The following PDE10A variants were observed in gnomAD, a reference collection of about 807,000 sequenced individuals.
PDE10A encodes the protein cAMP and cAMP-inhibited cGMP 3',5'-cyclic phosphodiesterase 10A.
A neutral mutation model predicts 97.7 loss-of-function variants in PDE10A; 39 were observed. The ratio of observed to expected loss-of-function variants is 0.40; its 90% confidence interval spans 0.31 to 0.52. PDE10A has a LOEUF of 0.52. Ranked by LOEUF, PDE10A falls within the 20% of genes least tolerant of loss-of-function variation. The pLI, the probability that PDE10A is intolerant of heterozygous loss-of-function variation, is 0.56. For missense variants in PDE10A, 731 were observed against 1,047.8 expected (o/e 0.70, Z 4.17); for synonymous variants, 371 against 376.8 (o/e 0.98, Z 0.18).
rs1428405200 is a variant in PDE10A at position 165,819,004 on chromosome 6, G to A, written c.-615+168525C>T. On this transcript the variant is annotated intron_variant, in intron 1 of 19. Transcript: ENST00000366882. The surrounding 1 kb of genome is among the most constrained non-coding windows in gnomAD (Gnocchi z 4.2). ...ATATAAAATGTAAGGGGTTGAACACGAAGCTTGAAGTGTGGCTAAAAATAT... is the reference window on the plus strand; with the variant it reads ...ATATAAAATGTAAGGGGTTGAACACAAAGCTTGAAGTGTGGCTAAAAATAT... Among the ~76,000 whole-genome samples the A allele has an allele frequency of 2.6e-5, 4 of 152,196 alleles. No individual in the cohort carries two copies. Among genetic ancestry groups the A allele is most frequent in the Non-Finnish European group, 4.4e-5 (3 of 68,028 alleles).
At chr6:165,716,225 A>G (rs1018824730) in intron 1 of PDE10A, among the ~76,000 whole-genome samples, 31 of 152,168 alleles carry the variant, frequency 2.0e-4, no homozygotes, top group Non-Finnish European at 1.9e-4. Flanking sequence ...AAAATTCACA[A>G]ATTATTGACT....
chr6:165,549,618 G>A lies in PDE10A; in HGVS notation c.866-6050C>T, dbSNP rs138613803. On this transcript the variant is annotated intron_variant, in intron 1 of 21. Coordinates refer to ENST00000539869, the MANE Select transcript of PDE10A (RefSeq NM_001385079.1). ...GGATCACAGACGTGAGCCACCATGC[G>A]CGGCTGCATTATTATGTTTTAAAGT... Among the ~76,000 whole-genome samples, 33 of 152,206 alleles carry A rather than the reference G, an allele frequency of 2.2e-4. No individual in the cohort carries two copies. In the East Asian group the frequency reaches 5.0e-3, roughly 23 times the overall value.
chr6:165,342,370 G>C (rs1340983251), intron 19 of PDE10A, among the ~76,000 whole-genome samples: 1 of 152,158 alleles, frequency 6.6e-6, no homozygotes, highest in Non-Finnish European at 1.5e-5. Flanking sequence ...ACTAGGTTCT[G>C]ACACATACAC....
At chr6:165,597,571 G>T (rs1247989037) in intron 1 of PDE10A, among the ~76,000 whole-genome samples, 1 of 152,178 alleles carries the variant, frequency 6.6e-6, no homozygotes, top group Non-Finnish European at 1.5e-5. Context: ...CCAATAAATA[G>T]AAGGAAACAC....
intron 1 of PDE10A, among the ~76,000 whole-genome samples, chr6:165,808,623 G>T (rs752564907): frequency 6.6e-6 from 1 of 152,184 alleles, no homozygotes; most frequent in Non-Finnish European, 1.5e-5. Context: ...GGAATTAGCC[G>T]TGTCACATCT....
rs1457833945 is a variant in PDE10A at position 165,330,852 on chromosome 6, C to T, written c.*2173G>A. On this transcript the variant is annotated 3_prime_UTR_variant, in exon 22 of 22. Transcript: ENST00000539869. The stretch of plus-strand genomic sequence containing the variant: ...TCCATCTCCAAGCGAAATGAGATAA[C>T]TAAACTAACTTTTGTGACTAAAGCT... 1 of 152,128 alleles carries T rather than the reference C, an allele frequency of 6.6e-6. No homozygotes were observed. Among genetic ancestry groups the T allele is most frequent in the Non-Finnish European group, 1.5e-5 (1 of 68,006 alleles). The allele number at this position is 152,128 out of a possible 1,614,324, so 9.4% of individuals were successfully genotyped here.
intron 1 of PDE10A, among the ~76,000 whole-genome samples, chr6:165,593,729 G>A (rs1439131297): frequency 1.3e-5 from 2 of 152,058 alleles, no homozygotes; most frequent in Non-Finnish European, 2.9e-5. Context: ...TTTAAATGAT[G>A]ATGTTCTAAA....
At chr6:165,738,360 G>A (rs1792633986) in intron 1 of PDE10A, among the ~76,000 whole-genome samples, 1 of 151,378 alleles carries the variant, frequency 6.6e-6, no homozygotes, top group Non-Finnish European at 1.5e-5. Context: ...TTTTATGGCT[G>A]CATAGTATTC....
intron 11 of PDE10A, among the ~76,000 whole-genome samples, chr6:165,416,740 A>G (rs1788343831): frequency 6.6e-6 from 1 of 152,108 alleles, no homozygotes; most frequent in Admixed American, 6.5e-5. Context: ...TCTACCACAC[A>G]TATAACCAAA....
At chr6:165,520,825 C>A (rs1357042417) in intron 2 of PDE10A, among the ~76,000 whole-genome samples, 3 of 152,090 alleles carry the variant, frequency 2.0e-5, no homozygotes, top group African/African-American at 7.2e-5. Context: ...GTGGACTGGA[C>A]AATTACATCC....
At chr6:165,612,829 A>G (rs1787561090) in intron 1 of PDE10A, among the ~76,000 whole-genome samples, 1 of 152,240 alleles carries the variant, frequency 6.6e-6, no homozygotes, top group Admixed American at 6.5e-5. Flanking sequence ...TTCTTGAGTA[A>G]CTATAAACCT....
intron 1 of PDE10A, among the ~76,000 whole-genome samples, chr6:165,887,041 T>C (rs570413185): frequency 5.9e-5 from 9 of 152,296 alleles, no homozygotes; most frequent in African/African-American, 2.2e-4. Context: ...AGCAAGATAC[T>C]GAAATCATTT....
At chr6:165,665,564 C>T (rs938384515), upstream of PDE10A, among the ~76,000 whole-genome samples, 23 of 152,156 alleles carry the variant, frequency 1.5e-4, no homozygotes, top group Non-Finnish European at 3.1e-4. Context: ...TATAGCTCAA[C>T]TTAAGCATAC....
intron 1 of PDE10A, among the ~76,000 whole-genome samples, chr6:165,831,736 C>T (rs1203758610): frequency 6.6e-6 from 1 of 152,080 alleles, no homozygotes; most frequent in Non-Finnish European, 1.5e-5. Flanking sequence ...CCACCCACCT[C>T]GGCCTCCCAA....
intron 12 of PDE10A, 80 bp downstream of exon 12, chr6:165,416,109 C>T: frequency 1.1e-6 from 1 of 904,388 alleles, no homozygotes; most frequent in Non-Finnish European, 1.8e-6. Flanking sequence ...GTGGAGAACT[C>T]AGGCTCCACG....
At chr6:165,729,293 G>T (rs35259410) in intron 1 of PDE10A, among the ~76,000 whole-genome samples, 2,603 of 152,048 alleles carry the variant, frequency 0.017, 73 homozygotes, top group African/African-American at 0.06. Context: ...CCAAAATATG[G>T]TAGAGATTTA....
rs551486548 is a variant in PDE10A at position 165,785,662 on chromosome 6, TG to T, written c.-615+201866del. Among the ~76,000 whole-genome samples the T allele has an allele frequency of 1.7e-4, 26 of 152,328 alleles. No homozygotes were observed. In the East Asian group the frequency reaches 4.8e-3, roughly 28 times the overall value. ...TCTGCACCTTGTAAAATAGTCCTGA[TG>T]CTAAATCAAAGTAATTCAGATGTCT... On this transcript the variant is annotated intron_variant, in intron 1 of 19. Transcript: ENST00000366882.
chr6:165,973,538 T>C (rs1373263271), intron 1 of PDE10A, among the ~76,000 whole-genome samples: 2 of 151,402 alleles, frequency 1.3e-5, no homozygotes, highest in Admixed American at 1.3e-4. Context: ...CTAAGGAATG[T>C]ATTACATTAA....
rs186334527 is a variant in PDE10A, at chr6:165,617,423, C to T, written c.865+44524G>A. ...GCAGTGGCGGGATCTCGGCTCAAGG[C>T]AACCTCACCTCCCAGGTTCAAGCGA... On this transcript the variant is annotated intron_variant, in intron 1 of 21. Transcript: ENST00000539869. Among the ~76,000 whole-genome samples the T allele has an allele frequency of 1.1e-3, 170 of 152,314 alleles. 1 individual carries two copies. Among genetic ancestry groups the T allele is most frequent in the African/African-American group, 3.9e-3 (163 of 41,570 alleles).
Sources: gnomAD v4.1 joint callset for allele counts (sites outside exome capture counted in the v4.1 genomes callset) on GRCh38, gnomAD v4.1.1 for gene constraint, Gnocchi (gnomAD v3.1) non-coding constraint, MANE v1.5 for transcripts, NCBI Gene and HGNC (gene_info 2026-07-23, HGNC 2026-07-21) for gene names.